Variants in KCNK12 observed in about 807,000 individuals in gnomAD.
KCNK12 encodes potassium channel subfamily K member 12.
In KCNK12, 6 loss-of-function variants were observed where a neutral mutation model predicts 25.3. The observed-to-expected ratio is 0.24, with a 90% CI of 0.13 to 0.47. The LOEUF (loss-of-function observed/expected upper bound fraction) is 0.47, where lower values mean the gene tolerates loss of function less well. Among genes scored for constraint, KCNK12 ranks in the 20% least tolerant of loss-of-function variants. KCNK12 has a pLI of 0.99. For missense variants in KCNK12, 444 were observed against 661.7 expected (o/e 0.67, Z 3.61); for synonymous variants, 331 against 311.1 (o/e 1.06, Z -0.67).
chr2:47,521,095 T>A lies in KCNK12; in HGVS notation c.1105A>T (p.Ile369Phe). Reference sequence around the variant, plus strand: ...GAGGCCGTGAGGTCGCGCATGGAGATGAGCTCGCCCGAGAGGCGGCGGCCC... The same window carrying A: ...GAGGCCGTGAGGTCGCGCATGGAGAAGAGCTCGCCCGAGAGGCGGCGGCCC... ...AEGRRLSGEL[I>F]SMRDLTASNK... Residue 369 changes from isoleucine (I) to phenylalanine (F), a missense_variant, in exon 2 of 2, where the codon ATC (isoleucine) becomes TTC (phenylalanine). Physicochemically the swap from Ile to Phe is conservative, Grantham distance 21. This residue lies in a region of KCNK12 where 9 missense variants were observed against 36.8 expected (regional missense o/e 0.24). Coordinates refer to ENST00000327876, the MANE Select transcript of KCNK12 (RefSeq NM_022055.2). 1 of 1,312,066 alleles carries A rather than the reference T, an allele frequency of 7.6e-7. No homozygotes were observed. Among genetic ancestry groups the A allele is most frequent in the Non-Finnish European group, 9.7e-7 (1 of 1,030,222 alleles). The allele number at this position is 1,312,066 out of a possible 1,614,324, so 81.3% of individuals were successfully genotyped here.
In KCNK12 at chr2:47,566,309, C is replaced by T. The variant is rs1669785646; in HGVS notation, c.391+3632G>A. On this transcript the variant is annotated intron_variant, in intron 1 of 1. Transcript: ENST00000327876. This position sits in a 1 kb window ranked among gnomAD's most constrained non-coding sequence, Gnocchi z 4.1. The stretch of plus-strand genomic sequence containing the variant: ...TGTTCCATGTAACCTTGAGTACACA[C>T]AGCCATACCTGAACCTTTCATTACG... 6.6e-6 allele frequency: 1 copy of T among 152,154 alleles called. No individual in the cohort carries two copies. The highest frequency in any genetic ancestry group is 1.5e-5 in the Non-Finnish European group (1 of 68,040). 9.4% of individuals were successfully genotyped at this position (152,154 alleles called of 1,614,324 possible). A position where few individuals can be genotyped will look rare whatever the true frequency, so the allele number is the denominator to read the frequency against.
Position 47,510,114 on chromosome 2 carries a change from GT to G in KCNK12, c.*10792del, listed in dbSNP as rs1477487214. The G allele has an allele frequency of 2.6e-5, 4 of 152,204 alleles. No homozygotes were observed. Among genetic ancestry groups the G allele is most frequent in the Non-Finnish European group, 4.4e-5 (3 of 68,050 alleles). 9.4% of individuals were successfully genotyped at this position (152,204 alleles called of 1,614,324 possible). A position where few individuals can be genotyped will look rare whatever the true frequency, so the allele number is the denominator to read the frequency against. The stretch of plus-strand genomic sequence containing the variant: ...CCTAGGGAGGTCTAGGAAAAGTCCT[GT>G]TGGGAGAGAGCATTTTTTACCTTCT... On this transcript the variant is annotated 3_prime_UTR_variant, in exon 2 of 2. Coordinates refer to ENST00000327876, the MANE Select transcript of KCNK12 (RefSeq NM_022055.2).
chr2:47,540,206 A>G lies in KCNK12; in HGVS notation c.392-18398T>C, dbSNP rs1013445088. Among the ~76,000 whole-genome samples, 2 of 152,212 alleles carry G rather than the reference A, an allele frequency of 1.3e-5. No homozygotes were observed. Among genetic ancestry groups the G allele is most frequent in the South Asian group, 2.1e-4 (1 of 4,836 alleles). On this transcript the variant is annotated intron_variant, in intron 1 of 1. Coordinates refer to ENST00000327876, the MANE Select transcript of KCNK12 (RefSeq NM_022055.2). The surrounding 1 kb of genome is among the most constrained non-coding windows in gnomAD (Gnocchi z 5.4). ...AGAGAAGGCCTCACCGGGCAGACCT[A>G]TCTTGGAGAAGATACAAGCAATGGT...
rs976200127 is a variant in KCNK12, at chr2:47,525,110, C to T, written c.392-3302G>A. Among the ~76,000 whole-genome samples, 2 of 152,200 alleles carry T rather than the reference C, an allele frequency of 1.3e-5. No individual in the cohort carries two copies. Among genetic ancestry groups the T allele is most frequent in the Admixed American group, 1.3e-4 (2 of 15,284 alleles). On this transcript the variant is annotated intron_variant, in intron 1 of 1. Coordinates refer to ENST00000327876, the MANE Select transcript of KCNK12 (RefSeq NM_022055.2). The surrounding 1 kb of genome is among the most constrained non-coding windows in gnomAD (Gnocchi z 4.1). Reference sequence around the variant, plus strand: ...TGAGAACAGTATGTGTACATTTCTCCCCATTCTAAAGAGAAGTTCCAGACA... The same window carrying T: ...TGAGAACAGTATGTGTACATTTCTCTCCATTCTAAAGAGAAGTTCCAGACA...
intron 1 of KCNK12, among the ~76,000 whole-genome samples, chr2:47,550,630 G>T (rs369893064): frequency 6.6e-6 from 1 of 151,818 alleles, no homozygotes; most frequent in Non-Finnish European, 1.5e-5. Flanking sequence ...TGACCCACCC[G>T]CCTCGGCCTC....
intron 1 of KCNK12, 37 bp from the exon 2 acceptor site, chr2:47,521,845 GCGCA>G: frequency 6.8e-7 from 1 of 1,468,390 alleles, no homozygotes; most frequent in Non-Finnish European, 9.0e-7. Context: ...GGTCCTGGCC[GCGCA>G]GGTGGTCCTC....
Position 47,510,368 on chromosome 2 carries a change from A to G in KCNK12, c.*10539T>C, listed in dbSNP as rs1158410520. On this transcript the variant is annotated 3_prime_UTR_variant, in exon 2 of 2. Transcript: ENST00000327876. Reference sequence around the variant, plus strand: ...TTTTTATTCCTTAAAACTACCCTTCAATGGGTTTTCTGTTCATTACAGTTG... The same window carrying G: ...TTTTTATTCCTTAAAACTACCCTTCGATGGGTTTTCTGTTCATTACAGTTG... 6.6e-6 allele frequency: 1 copy of G among 152,196 alleles called. No individual in the cohort carries two copies. The highest frequency in any genetic ancestry group is 1.5e-5 in the Non-Finnish European group (1 of 68,042). 9.4% of individuals were successfully genotyped at this position (152,196 alleles called of 1,614,324 possible).
At chr2:47,534,502 A>C (rs1669010183) in intron 1 of KCNK12, among the ~76,000 whole-genome samples, 2 of 93,284 alleles carry the variant, frequency 2.1e-5, no homozygotes, top group African/African-American at 4.9e-5. Context: ...GGATGAGATC[A>C]CTGCCCCTTC....
chr2:47,560,869 C>A lies in KCNK12; in HGVS notation c.391+9072G>T, dbSNP rs193210201. Among the ~76,000 whole-genome samples, 22 of 152,292 alleles carry A rather than the reference C, an allele frequency of 1.4e-4. No individual in the cohort carries two copies. Among genetic ancestry groups the A allele is most frequent in the Non-Finnish European group, 2.6e-4 (18 of 68,018 alleles). On this transcript the variant is annotated intron_variant, in intron 1 of 1. Transcript: ENST00000327876. The surrounding 1 kb of genome is among the most constrained non-coding windows in gnomAD (Gnocchi z 4.7). ...TGGAAAGGGGAGATACTGGTGGGCTCTGTGGCCTCCCCTGGCCCCAGATCC... is the reference window on the plus strand; with the variant it reads ...TGGAAAGGGGAGATACTGGTGGGCTATGTGGCCTCCCCTGGCCCCAGATCC...
chr2:47,559,483 C>T (rs201452866), intron 1 of KCNK12, among the ~76,000 whole-genome samples: 2 of 152,350 alleles, frequency 1.3e-5, no homozygotes, highest in South Asian at 4.1e-4. Flanking sequence ...TGATTAATCA[C>T]CTACTTTGTG....
Position 47,515,986 on chromosome 2 carries a change from G to T in KCNK12, c.*4921C>A, listed in dbSNP as rs182170160. ...AATTGTGGAGGACTTTACACTTTTC[G>T]GAGTTCCTAGCCCCTCACTTATTTC... On this transcript the variant is annotated 3_prime_UTR_variant, in exon 2 of 2. Coordinates refer to ENST00000327876, the MANE Select transcript of KCNK12 (RefSeq NM_022055.2). 1.3e-5 allele frequency among the ~76,000 whole-genome samples: 2 copies of T among 152,076 alleles called. No individual in the cohort carries two copies. The highest frequency in any genetic ancestry group is 2.9e-5 in the Non-Finnish European group (2 of 68,004).
chr2:47,549,675 C>T (rs975237985), intron 1 of KCNK12, among the ~76,000 whole-genome samples: 2 of 152,152 alleles, frequency 1.3e-5, no homozygotes, highest in African/African-American at 4.8e-5. Context: ...GTGGCTCACG[C>T]CTGTAATCCC....
In KCNK12 at chr2:47,512,718, C is replaced by T. The variant is rs1668434743; in HGVS notation, c.*8189G>A. ...GAGCAAACTACATTTCCCAGAACTC[C>T]TTGTTGGATTCCTTCCAAACAGGTT... On this transcript the variant is annotated 3_prime_UTR_variant, in exon 2 of 2. Transcript: ENST00000327876. 3.2e-6 allele frequency: 1 copy of T among 308,868 alleles called. No individual in the cohort carries two copies. Among genetic ancestry groups the T allele is most frequent in the Non-Finnish European group, 6.0e-6 (1 of 166,942 alleles). The allele number at this position is 308,868 out of a possible 1,614,324, so 19.1% of individuals were successfully genotyped here.
Position 47,538,093 on chromosome 2 carries a change from A to G in KCNK12, c.392-16285T>C, listed in dbSNP as rs1473457763. Among the ~76,000 whole-genome samples, 1 of 152,220 alleles carries G rather than the reference A, an allele frequency of 6.6e-6. No individual in the cohort carries two copies. The highest frequency in any genetic ancestry group is 1.9e-4 in the East Asian group (1 of 5,196). The stretch of plus-strand genomic sequence containing the variant: ...AAGAGGAGTCTATGAAGGAGACCAC[A>G]TTCATTCAACAAACATTTATTGAGG... On this transcript the variant is annotated intron_variant, in intron 1 of 1. Coordinates refer to ENST00000327876, the MANE Select transcript of KCNK12 (RefSeq NM_022055.2). This position sits in a 1 kb window ranked among gnomAD's most constrained non-coding sequence, Gnocchi z 4.5.
intron 1 of KCNK12, among the ~76,000 whole-genome samples, chr2:47,523,437 C>CA (rs1668704139): frequency 1.3e-5 from 2 of 152,230 alleles, no homozygotes; most frequent in African/African-American, 4.8e-5. Context: ...GCTGGTATAT[C>CA]AAATTGCTTT....
chr2:47,540,800 A>T lies in KCNK12; in HGVS notation c.392-18992T>A, dbSNP rs574667101. Among the ~76,000 whole-genome samples the T allele has an allele frequency of 8.9e-6, 1 of 111,946 alleles. No individual in the cohort carries two copies. Among genetic ancestry groups the T allele is most frequent in the South Asian group, 2.8e-4 (1 of 3,582 alleles). The allele number at this position is 111,946 out of a possible 152,430, so 73.4% of individuals were successfully genotyped here. A position where few individuals can be genotyped will look rare whatever the true frequency, so the allele number is the denominator to read the frequency against. ...ACAAACAAACAAACAAACAAACAAAAGCAAGCTGGGCATGGTGGCTCACAC... is the reference window on the plus strand; with the variant it reads ...ACAAACAAACAAACAAACAAACAAATGCAAGCTGGGCATGGTGGCTCACAC... On this transcript the variant is annotated intron_variant, in intron 1 of 1. Transcript: ENST00000327876. The surrounding 1 kb of genome is among the most constrained non-coding windows in gnomAD (Gnocchi z 5.4).
At position 47,512,226 on chromosome 2, in the gene KCNK12, A is replaced by G. The variant is rs1182267805; in HGVS notation, c.*8681T>C. The G allele has an allele frequency of 1.3e-6, 2 of 1,553,172 alleles. No individual in the cohort carries two copies. Among genetic ancestry groups the G allele is most frequent in the Non-Finnish European group, 1.8e-6 (2 of 1,140,758 alleles). ...CTAAGCTGGGTCAGGTACTCTGCAG[A>G]TGTTTGCTGAGTATCGTTCTTGATG... On this transcript the variant is annotated 3_prime_UTR_variant, in exon 2 of 2. Coordinates refer to ENST00000327876, the MANE Select transcript of KCNK12 (RefSeq NM_022055.2).
In KCNK12 at chr2:47,570,242, C is replaced by A. The variant is rs1409926109; in HGVS notation, c.90G>T (p.Ser30=). ...PSCCCCCCRR[S]HLNEDTGRFV... ...AGCGGCCGGTGTCCTCGTTGAGGTG[C>A]GAACGGCGGCAGCAGCAGCAGCAGC... is the stretch of plus-strand genomic sequence containing the variant. Residue 30 remains serine, a synonymous_variant, in exon 1 of 2, where the codon TCG becomes TCT. Coordinates refer to ENST00000327876, the MANE Select transcript of KCNK12 (RefSeq NM_022055.2). 3.4e-6 allele frequency: 5 copies of A among 1,459,022 alleles called. No homozygotes were observed. Among genetic ancestry groups the A allele is most frequent in the Admixed American group, 2.3e-5 (1 of 43,828 alleles). The allele number at this position is 1,459,022 out of a possible 1,614,324, so 90.4% of individuals were successfully genotyped here.
Position 47,518,248 on chromosome 2 carries a change from G to T in KCNK12, c.*2659C>A, listed in dbSNP as rs1668569666. On this transcript the variant is annotated 3_prime_UTR_variant, in exon 2 of 2. Transcript: ENST00000327876. The surrounding 1 kb of genome is among the most constrained non-coding windows in gnomAD (Gnocchi z 4.1). ...TGTGACTGAGACTGGATTGGGGGAT[G>T]GGGACAGGGGAACATAGGCAAAAAT... 1 of 152,394 alleles carries T rather than the reference G, an allele frequency of 6.6e-6. No homozygotes were observed. The highest frequency in any genetic ancestry group is 1.5e-5 in the Non-Finnish European group (1 of 68,208). 9.4% of individuals were successfully genotyped at this position (152,394 alleles called of 1,614,324 possible).
Sources: gnomAD v4.1 joint callset for allele counts (sites outside exome capture counted in the v4.1 genomes callset) on GRCh38, gnomAD v4.1.1 for gene constraint, gnomAD v4.1.1 regional missense constraint, Gnocchi (gnomAD v3.1) non-coding constraint, MANE v1.5 for transcripts, NCBI Gene and HGNC (gene_info 2026-07-23, HGNC 2026-07-21) for gene names.